The following ANXA2 variants were observed in gnomAD, a reference collection of about 807,000 sequenced individuals.
The protein encoded by ANXA2 is annexin A2.
ANXA2 carries 28 observed loss-of-function variants against 47.3 expected under a neutral mutation model. That is an observed-to-expected ratio of 0.59 (90% CI 0.44 to 0.81). The LOEUF is 0.81. Among genes scored for constraint, ANXA2 ranks in the 40% least tolerant of loss-of-function variants. The pLI is 0.00. For synonymous variants in ANXA2, 172 were observed against 155.5 expected (o/e 1.11, Z -0.79); for missense variants, 384 against 414.3 (o/e 0.93, Z 0.64).
intron 3 of ANXA2, among the ~76,000 whole-genome samples, chr15:60,369,284 G>C (rs985324962): frequency 6.6e-6 from 1 of 152,224 alleles, no homozygotes; most frequent in Non-Finnish European, 1.5e-5. Context: ...CCACACATGC[G>C]TGTTCGCTTG....
Position 60,355,987 on chromosome 15 carries a change from C to T in ANXA2, c.460G>A (p.Asp154Asn). ...NRVYKEMYKT[D>N]LEKDIISDTS... is the part of the protein sequence containing the mutation. ...TCCGAAATAATGTCCTTCTCCAGATCAGTCTTGTACACTTGGAGGAAAATA... is the reference window on the plus strand; with the variant it reads ...TCCGAAATAATGTCCTTCTCCAGATTAGTCTTGTACACTTGGAGGAAAATA... Residue 154 changes from aspartate to asparagine, a missense_variant, in exon 7 of 13, where the codon GAT (aspartate) becomes AAT (asparagine). Transcript: ENST00000451270. 1 of 1,613,618 alleles carries T rather than the reference C, an allele frequency of 6.2e-7. No individual in the cohort carries two copies. Among genetic ancestry groups the T allele is most frequent in the Non-Finnish European group, 8.5e-7 (1 of 1,179,536 alleles).
At chr15:60,386,175 T>TGGA (rs2062931096) in intron 1 of ANXA2, 89 bp from the exon 2 acceptor site, 1 of 904,990 alleles carries the variant, frequency 1.1e-6, no homozygotes, top group South Asian at 1.5e-5. Context: ...TTCTACTCCT[T>TGGA]GGACCATTTC....
chr15:60,369,147 A>G (rs1055961891), intron 3 of ANXA2, among the ~76,000 whole-genome samples: 1 of 152,186 alleles, frequency 6.6e-6, no homozygotes, highest in African/African-American at 2.4e-5. Context: ...ACAAAACACT[A>G]ATGGATATAA....
intron 3 of ANXA2, among the ~76,000 whole-genome samples, chr15:60,377,078 A>C (rs987620141): frequency 6.6e-6 from 1 of 152,258 alleles, no homozygotes; most frequent in Non-Finnish European, 1.5e-5. Context: ...TTTGATGTCA[A>C]GGAAACACCA....
At chr15:60,393,595 C>T (rs1398944672) in intron 1 of ANXA2, 2 of 985,274 alleles carry the variant, frequency 2.0e-6, no homozygotes, top group Non-Finnish European at 2.4e-6. Context: ...ACACGCTCAG[C>T]ACTTTCTAAG....
chr15:60,348,663 T>G (rs1329147255), intron 12 of ANXA2, among the ~76,000 whole-genome samples: 2 of 149,618 alleles, frequency 1.3e-5, no homozygotes, highest in Non-Finnish European at 3.0e-5. Flanking sequence ...GAAAATGGTG[T>G]GAACCCAGAA....
intron 5 of ANXA2, among the ~76,000 whole-genome samples, chr15:60,360,556 C>T (rs897506079): frequency 2.6e-5 from 4 of 152,076 alleles, no homozygotes; most frequent in African/African-American, 7.2e-5. Flanking sequence ...GAAACACCCA[C>T]GAAAGGATGG....
chr15:60,372,692 C>CTTT (rs574095449), intron 3 of ANXA2, among the ~76,000 whole-genome samples: 2 of 132,738 alleles, frequency 1.5e-5, no homozygotes, highest in Non-Finnish European at 3.3e-5. Flanking sequence ...ACAATCTTTC[C>CTTT]TTTTTTTTTT....
In ANXA2 at chr15:60,347,542, G is replaced by T; in HGVS notation, c.*88C>A. The T allele has an allele frequency of 7.5e-7, 1 of 1,340,016 alleles. No individual in the cohort carries two copies. 83.0% of individuals were successfully genotyped at this position (1,340,016 alleles called of 1,614,324 possible). A position where few individuals can be genotyped will look rare whatever the true frequency, so the allele number is the denominator to read the frequency against. On this transcript the variant is annotated 3_prime_UTR_variant, in exon 13 of 13. Coordinates refer to ENST00000451270, the MANE Select transcript of ANXA2 (RefSeq NM_004039.3). ...CGTCACCCTCACAGGGATGGCCACG[G>T]GGACTGTTATTCGCAAGCTGGTTTT...
At chr15:60,366,675 G>C (rs1193473101) in intron 3 of ANXA2, among the ~76,000 whole-genome samples, 2 of 116,922 alleles carry the variant, frequency 1.7e-5, no homozygotes, top group East Asian at 5.2e-4. Flanking sequence ...GGAGGGAGGT[G>C]GGGGGGGTCA....
At chr15:60,369,289 C>T (rs542189723) in intron 3 of ANXA2, among the ~76,000 whole-genome samples, 2 of 152,216 alleles carry the variant, frequency 1.3e-5, no homozygotes, top group Non-Finnish European at 1.5e-5. Flanking sequence ...CATGCGTGTT[C>T]GCTTGCTCGT....
Position 60,347,812 on chromosome 15 carries a change from G to C in ANXA2, c.961-123C>G, listed in dbSNP as rs180673121. The stretch of plus-strand genomic sequence containing the variant: ...CCATGACAAAGAGAAGACTCTGCAG[G>C]AGACCTGCCCTGATACAAAGGCCTG... On this transcript the variant is annotated intron_variant, in intron 12 of 12. Transcript: ENST00000451270. 1,287 of 862,652 alleles carry C rather than the reference G, an allele frequency of 1.5e-3. 12 individuals are homozygous for C. The African/African-American group carries it at 0.018, about 12-fold the overall frequency. The allele number at this position is 862,652 out of a possible 1,614,324, so 53.4% of individuals were successfully genotyped here.
chr15:60,351,361 T>C (rs1896005954), intron 10 of ANXA2, 110 bp from the exon 11 acceptor site: 2 of 1,100,078 alleles, frequency 1.8e-6, no homozygotes, highest in Admixed American at 3.8e-5. Context: ...CCTAATGCAA[T>C]GGAAAAGGGC....
intron 1 of ANXA2, among the ~76,000 whole-genome samples, chr15:60,391,643 G>A (rs1878536890): frequency 6.6e-6 from 1 of 152,140 alleles, no homozygotes; most frequent in African/African-American, 2.4e-5. Flanking sequence ...TTTTCTTACT[G>A]AAAACAACTA....
chr15:60,393,893 G>A (rs1485886057), intron 1 of ANXA2, among the ~76,000 whole-genome samples: 1 of 152,058 alleles, frequency 6.6e-6, no homozygotes, highest in Non-Finnish European at 1.5e-5. Flanking sequence ...ACACACACTG[G>A]GTCTTTCTAT....
At chr15:60,356,288 C>T (rs1351491678) in intron 6 of ANXA2, among the ~76,000 whole-genome samples, 1 of 152,078 alleles carries the variant, frequency 6.6e-6, no homozygotes, top group Non-Finnish European at 1.5e-5. Context: ...AATACTGGCT[C>T]CCAGCCCTCC....
chr15:60,391,102 C>T (rs2063003532), intron 1 of ANXA2: 1 of 152,308 alleles, frequency 6.6e-6, no homozygotes, highest in African/African-American at 2.4e-5. Context: ...TTCCACCCTG[C>T]AGGACCTTTG....
chr15:60,374,467 T>G (rs555129827), intron 3 of ANXA2: 5 of 455,938 alleles, frequency 1.1e-5, no homozygotes, highest in Non-Finnish European at 2.2e-5. Context: ...ATTGGAGAAT[T>G]TTCTTGGCAT....
In ANXA2 at chr15:60,354,155, C is replaced by G; in HGVS notation, c.587G>C (p.Arg196Pro). ...IDYELIDQDA[R>P]DLYDAGVKRK... ...CAAAGCAAAAAGCTCAGCACTTACC[C>G]GAGCATCTTGGTCAATCAGTTCATA... is the stretch of plus-strand genomic sequence containing the variant. Residue 196 changes from arginine to proline, a missense_variant and splice_region_variant, in exon 8 of 13, where the codon CGG becomes CCG. By Grantham distance (103) the Arg-to-Pro change is moderately radical. Transcript: ENST00000451270. 6.2e-7 allele frequency: 1 copy of G among 1,613,590 alleles called. No individual in the cohort carries two copies. The highest frequency in any genetic ancestry group is 8.5e-7 in the Non-Finnish European group (1 of 1,179,610).
Sources: gnomAD v4.1 joint callset for allele counts (sites outside exome capture counted in the v4.1 genomes callset) on GRCh38, gnomAD v4.1.1 for gene constraint, MANE v1.5 for transcripts, NCBI Gene and HGNC (gene_info 2026-07-23, HGNC 2026-07-21) for gene names.